The following SORBS2 variants were observed in gnomAD, a reference collection of about 807,000 sequenced individuals.
The protein encoded by SORBS2 is sorbin and SH3 domain-containing protein 2.
Under a neutral mutation model 97.7 loss-of-function variants are expected in SORBS2, and 46 were observed. The observed-to-expected ratio is 0.47, with a 90% confidence interval of 0.37 to 0.60. The LOEUF is 0.60. SORBS2 is among the 20% of genes least tolerant of loss of function. SORBS2 has a pLI of 0.00. For synonymous variants in SORBS2, 476 were observed against 473.4 expected (o/e 1.01, Z -0.07); for missense variants, 1,316 against 1,282.3 (o/e 1.03, Z -0.40).
At position 185,786,241 on chromosome 4, in the gene SORBS2, G is replaced by T. The variant is rs1047021955; in HGVS notation, c.-337-10875C>A. On this transcript the variant is annotated intron_variant, in intron 1 of 20. Coordinates refer to the SORBS2 transcript ENST00000284776. ...TCCCCATATCTGAGCTAATCACTTT[G>T]TCCTATGATTGACATAACAGTCTCC... 2.6e-5 allele frequency among the ~76,000 whole-genome samples: 4 copies of T among 152,090 alleles called. No individual in the cohort carries two copies. In the East Asian group the frequency reaches 7.7e-4, roughly 29 times the overall value.
At chr4:185,741,404 G>GTTTTTTTTTTTTTTTTT (rs58376567) in intron 2 of SORBS2, among the ~76,000 whole-genome samples, 2 of 111,666 alleles carry the variant, frequency 1.8e-5, no homozygotes, top group African/African-American at 3.5e-5. Flanking sequence ...TTTTTTTTTT[G>GTTTTTTTTTTTTTTTTT]TTTTTTTTTT....
rs111759586 is a variant in SORBS2 at position 185,863,722 on chromosome 4, G to T, written c.-337-88356C>A. 8.9e-4 allele frequency among the ~76,000 whole-genome samples: 136 copies of T among 152,224 alleles called. 2 individuals are homozygous for T. Among genetic ancestry groups the T allele is most frequent in the African/African-American group, 3.2e-3 (132 of 41,544 alleles). ...CTGTAATTGGAGTGTGGACCTAGGT[G>T]GAAGATGTGTGTCACCTCCAAAGTG... On this transcript the variant is annotated intron_variant, in intron 1 of 20. Transcript: ENST00000284776.
Position 185,879,117 on chromosome 4 carries a change from A to C in SORBS2, c.-338+77079T>G, listed in dbSNP as rs909414679. Among the ~76,000 whole-genome samples, 158 of 140,658 alleles carry C rather than the reference A, an allele frequency of 1.1e-3. 2 individuals are homozygous for C. The highest frequency in any genetic ancestry group is 4.1e-3 in the African/African-American group (146 of 35,322). The allele number at this position is 140,658 out of a possible 152,430, so 92.3% of individuals were successfully genotyped here. On this transcript the variant is annotated intron_variant, in intron 1 of 20. Coordinates refer to the SORBS2 transcript ENST00000284776. ...TACATGTGCCATGTTGGTGTGCTGCACCCATTAACTCGCCATTTACATTAG... is the reference window on the plus strand; with the variant it reads ...TACATGTGCCATGTTGGTGTGCTGCCCCCATTAACTCGCCATTTACATTAG...
Position 185,623,987 on chromosome 4 carries a change from A to C in SORBS2, c.1142T>G (p.Ile381Ser). 6.2e-7 allele frequency: 1 copy of C among 1,614,172 alleles called. No homozygotes were observed. The highest frequency in any genetic ancestry group is 8.5e-7 in the Non-Finnish European group (1 of 1,180,034). ...CTGCTGCTCGCTCTCGTACTGCAGA[A>C]TCCTGGACTTCACGGAGCAGATCAC... is the stretch of plus-strand genomic sequence containing the variant. Residue 381 changes from isoleucine (I) to serine (S), a missense_variant, in exon 7 of 15, where the codon ATT (isoleucine) becomes AGT (serine). Ile to Ser is a moderately radical substitution (Grantham distance 142). Transcript: ENST00000418609. The surrounding 1 kb of genome is among the most constrained non-coding windows in gnomAD (Gnocchi z 6.4).
intron 1 of SORBS2, among the ~76,000 whole-genome samples, chr4:185,831,046 T>A (rs1335219577): frequency 6.6e-6 from 1 of 152,200 alleles, no homozygotes; most frequent in African/African-American, 2.4e-5. Flanking sequence ...ACACGGTGTT[T>A]CAGATTTCAC....
At position 185,608,476 on chromosome 4, in the gene SORBS2, T is replaced by C. The variant is rs141739018; in HGVS notation, c.2796+3304A>G. 5.6e-3 allele frequency among the ~76,000 whole-genome samples: 840 copies of C among 150,200 alleles called. 8 individuals carry two copies. Among genetic ancestry groups the C allele is most frequent in the Non-Finnish European group, 8.9e-3 (603 of 67,794 alleles). ...TGACATTTATGTAAATCAGAGGAGG[T>C]ATGAGTTATGAAGCTTAATCTTCTG... On this transcript the variant is annotated intron_variant, in intron 12 of 14. Coordinates refer to ENST00000418609, the Ensembl canonical transcript of SORBS2.
chr4:185,723,371 C>A (rs1386900939), intron 2 of SORBS2, among the ~76,000 whole-genome samples: 1 of 152,186 alleles, frequency 6.6e-6, no homozygotes, highest in East Asian at 1.9e-4. Flanking sequence ...TAGCTTGCAT[C>A]ATGGATCATA....
chr4:185,634,021 T>C lies in SORBS2; in HGVS notation c.397-3423A>G, dbSNP rs1008324685. ...AATATAACCCCTTGTTTTATTTGAT[T>C]TTCTTCAGATTACATGCCTGCCTGC... On this transcript the variant is annotated intron_variant, in intron 4 of 14. Coordinates refer to ENST00000418609, the Ensembl canonical transcript of SORBS2. 2.0e-5 allele frequency among the ~76,000 whole-genome samples: 3 copies of C among 152,192 alleles called. No homozygotes were observed. In the East Asian group the frequency reaches 5.8e-4, roughly 29 times the overall value.
At chr4:185,660,423 C>T (rs2153473251), upstream of SORBS2, among the ~76,000 whole-genome samples, 1 of 152,228 alleles carries the variant, frequency 6.6e-6, no homozygotes, top group Middle Eastern at 3.4e-3. Context: ...TGTTAAAGGG[C>T]AAAATTTCGG....
At chr4:185,767,980 T>C (rs1278198170) in intron 2 of SORBS2, among the ~76,000 whole-genome samples, 1 of 152,200 alleles carries the variant, frequency 6.6e-6, no homozygotes, top group African/African-American at 2.4e-5. Flanking sequence ...CCTTCTGCCA[T>C]TTGAATACCC....
chr4:185,939,613 C>T (rs1374262001), intron 1 of SORBS2, among the ~76,000 whole-genome samples: 4 of 152,146 alleles, frequency 2.6e-5, no homozygotes, highest in Admixed American at 6.5e-5. Context: ...CAGGTTCAAG[C>T]GATTCTCCTG....
chr4:185,914,834 T>TTATCATCTGATAA (rs1355534121), intron 1 of SORBS2, among the ~76,000 whole-genome samples: 1 of 152,242 alleles, frequency 6.6e-6, no homozygotes, highest in Non-Finnish European at 1.5e-5. Context: ...AACTCATTTA[T>TTATCATCTGATAA]TATCATCTGA....
At chr4:185,793,548 A>G (rs1047374565) in intron 1 of SORBS2, among the ~76,000 whole-genome samples, 1 of 152,232 alleles carries the variant, frequency 6.6e-6, no homozygotes, top group African/African-American at 2.4e-5. Context: ...TGGATTGTAT[A>G]TTAAGAAGAT....
intron 1 of SORBS2, among the ~76,000 whole-genome samples, chr4:185,829,446 T>C (rs1171422788): frequency 6.6e-6 from 1 of 152,210 alleles, no homozygotes; most frequent in East Asian, 1.9e-4. Flanking sequence ...GTACCATTAA[T>C]GTGATTACAT....
chr4:185,863,293 A>C (rs942612811), intron 1 of SORBS2, among the ~76,000 whole-genome samples: 1 of 118,942 alleles, frequency 8.4e-6, no homozygotes, highest in Non-Finnish European at 1.8e-5. Flanking sequence ...TCGGGTACTG[A>C]GGTTGAAAAA....
chr4:185,661,711 T>A (rs542423036), upstream of SORBS2, among the ~76,000 whole-genome samples: 41 of 152,324 alleles, frequency 2.7e-4, no homozygotes, highest in African/African-American at 9.6e-4. Flanking sequence ...GTTTTAACTG[T>A]CAAACGATTC....
intron 1 of SORBS2, among the ~76,000 whole-genome samples, chr4:185,837,897 TG>T (rs1421938377): frequency 6.6e-6 from 1 of 152,118 alleles, no homozygotes; most frequent in Non-Finnish European, 1.5e-5. Flanking sequence ...TGGATTCTTT[TG>T]TAGGGCTGCT....
chr4:185,605,364 C>G (rs191315685), intron 12 of SORBS2, among the ~76,000 whole-genome samples: 61 of 152,344 alleles, frequency 4.0e-4, no homozygotes, highest in Admixed American at 1.1e-3. Flanking sequence ...TTCACTGCAA[C>G]CTCCGCCTCC....
At chr4:185,787,835 G>A (rs1216413106) in intron 1 of SORBS2, among the ~76,000 whole-genome samples, 1 of 152,186 alleles carries the variant, frequency 6.6e-6, no homozygotes, top group African/African-American at 2.4e-5. Flanking sequence ...GAGTGTTATA[G>A]TTCTCACTTT....
Sources: allele counts gnomAD v4.1 joint callset (sites outside exome capture counted in the v4.1 genomes callset), GRCh38; gene constraint gnomAD v4.1.1; non-coding constraint Gnocchi (gnomAD v3.1); transcripts MANE v1.5; gene names NCBI Gene and HGNC (gene_info 2026-07-23, HGNC 2026-07-21).